CXCL13: variants seen among roughly 807,000 people sequenced by gnomAD.
The protein encoded by CXCL13 is C-X-C motif chemokine 13.
Under a neutral mutation model 12.2 loss-of-function variants are expected in CXCL13, and 7 were observed. That is an observed-to-expected ratio of 0.57 (90% CI 0.33 to 1.07). The LOEUF (loss-of-function observed/expected upper bound fraction) is 1.07, where lower values mean the gene tolerates loss of function less well. Ranked by LOEUF, CXCL13 falls within the 50% of genes least tolerant of loss-of-function variation. The pLI, the probability that CXCL13 is intolerant of heterozygous loss-of-function variation, is 0.04. For synonymous variants in CXCL13, 47 were observed against 42.4 expected (o/e 1.11, Z -0.42); for missense variants, 113 against 127.4 (o/e 0.89, Z 0.55).
At chr4:77,538,952 G>A (rs1435738736) in intron 1 of CXCL13, among the ~76,000 whole-genome samples, 1 of 152,120 alleles carries the variant, frequency 6.6e-6, no homozygotes, top group Non-Finnish European at 1.5e-5. Context: ...GCAAGTTTTA[G>A]AACAAGAGTG....
intron 1 of CXCL13, among the ~76,000 whole-genome samples, chr4:77,575,221 C>T (rs1158961516): frequency 3.9e-5 from 6 of 151,904 alleles, no homozygotes; most frequent in Admixed American, 3.9e-4. Flanking sequence ...TCTGAGTCAT[C>T]ATTTTGGCAA....
chr4:77,542,416 G>T lies in CXCL13; in HGVS notation c.-43+30628G>T, dbSNP rs188711285. Among the ~76,000 whole-genome samples the T allele has an allele frequency of 4.2e-3, 634 of 152,202 alleles. 5 individuals are homozygous for T. The highest frequency in any genetic ancestry group is 5.4e-3 in the Non-Finnish European group (366 of 67,978). On this transcript the variant is annotated intron_variant, in intron 1 of 4. Transcript: ENST00000286758. ...CAAGTTTGTTTAAGGTTTCTACTCTGAAGGGATTTTTGGTCTAATTGAGAG... is the reference window on the plus strand; with the variant it reads ...CAAGTTTGTTTAAGGTTTCTACTCTTAAGGGATTTTTGGTCTAATTGAGAG...
chr4:77,540,355 C>T (rs1474280065), intron 1 of CXCL13, among the ~76,000 whole-genome samples: 3 of 152,112 alleles, frequency 2.0e-5, no homozygotes, highest in Non-Finnish European at 4.4e-5. Context: ...TGATTGATCC[C>T]ATCATGCAGG....
At chr4:77,600,723 T>C (rs79815226) in intron 1 of CXCL13, among the ~76,000 whole-genome samples, 1,529 of 152,290 alleles carry the variant, frequency 0.01, 27 homozygotes, top group African/African-American at 0.035. Context: ...TCACAGAAGG[T>C]ACAAGCCCAG....
intron 1 of CXCL13, among the ~76,000 whole-genome samples, chr4:77,528,707 A>G (rs1220084840): frequency 1.3e-5 from 2 of 152,152 alleles, no homozygotes; most frequent in Non-Finnish European, 2.9e-5. Context: ...GATTGCAAAA[A>G]TGTTCTCCCA....
chr4:77,524,775 A>T (rs1457978814), intron 1 of CXCL13, among the ~76,000 whole-genome samples: 2 of 152,108 alleles, frequency 1.3e-5, no homozygotes, highest in East Asian at 3.9e-4. Flanking sequence ...CTCAGTTGGA[A>T]ATGCAGAAGT....
At chr4:77,515,855 G>A (rs1015009257) in intron 1 of CXCL13, among the ~76,000 whole-genome samples, 3 of 152,236 alleles carry the variant, frequency 2.0e-5, no homozygotes, top group East Asian at 3.8e-4. Flanking sequence ...TTGAATGGGA[G>A]TGGTGAGAGA....
chr4:77,527,165 G>A lies in CXCL13; in HGVS notation c.-43+15377G>A, dbSNP rs369462139. Among the ~76,000 whole-genome samples, 55 of 152,076 alleles carry A rather than the reference G, an allele frequency of 3.6e-4. 1 individual carries two copies. Among genetic ancestry groups the A allele is most frequent in the African/African-American group, 1.1e-3 (44 of 41,486 alleles). ...AGATGCCCAACACCATTAATCATTC[G>A]GAAAGTTCAAAATAAAACCACAAAA... On this transcript the variant is annotated intron_variant, in intron 1 of 4. Transcript: ENST00000286758.
chr4:77,601,705 A>G (rs1414629556), upstream of CXCL13, among the ~76,000 whole-genome samples: 3 of 152,250 alleles, frequency 2.0e-5, no homozygotes, highest in Admixed American at 2.0e-4. Context: ...TGTTTTCACA[A>G]AGGTTAAAAA....
chr4:77,524,508 G>T (rs1724711539), intron 1 of CXCL13, among the ~76,000 whole-genome samples: 1 of 152,108 alleles, frequency 6.6e-6, no homozygotes. Context: ...TTCTCCATGG[G>T]CATGGGACCT....
intron 1 of CXCL13, among the ~76,000 whole-genome samples, chr4:77,529,557 C>T (rs1350055460): frequency 1.3e-5 from 2 of 152,126 alleles, no homozygotes; most frequent in African/African-American, 2.4e-5. Context: ...AATGGGAGTT[C>T]CCTCATGATT....
chr4:77,528,871 G>C (rs1313628003), intron 1 of CXCL13, among the ~76,000 whole-genome samples: 2 of 152,156 alleles, frequency 1.3e-5, no homozygotes, highest in Non-Finnish European at 2.9e-5. Context: ...TGTCCTAAAT[G>C]GTATTGCCTA....
rs1204526094 is a variant in CXCL13 at position 77,527,936 on chromosome 4, C to A, written c.-43+16148C>A. ...TAATGCTATCCCTCCCCTATCCCCC[C>A]ACCCCACAACAGGCCCTGGTGTGTG... On this transcript the variant is annotated intron_variant, in intron 1 of 4. Coordinates refer to the CXCL13 transcript ENST00000286758. Among the ~76,000 whole-genome samples the A allele has an allele frequency of 3.3e-5, 5 of 152,052 alleles. 1 individual carries two copies. The East Asian group carries it at 7.7e-4, about 23-fold the overall frequency.
At chr4:77,553,871 T>C (rs1725593196) in intron 1 of CXCL13, among the ~76,000 whole-genome samples, 1 of 152,184 alleles carries the variant, frequency 6.6e-6, no homozygotes, top group Non-Finnish European at 1.5e-5. Flanking sequence ...AATTGAAATA[T>C]CTAGTGTACA....
intron 1 of CXCL13, among the ~76,000 whole-genome samples, chr4:77,523,625 G>T (rs576394751): frequency 6.6e-6 from 1 of 152,136 alleles, no homozygotes; most frequent in South Asian, 2.1e-4. Context: ...CTTTTTTCAC[G>T]GTTTTCAGCT....
chr4:77,610,763 C>A, intron 3 of CXCL13, 69 bp downstream of exon 3: 2 of 1,185,388 alleles, frequency 1.7e-6, no homozygotes, highest in South Asian at 1.2e-5. Flanking sequence ...CCTGGGCAGT[C>A]AAAATAGGGA....
At chr4:77,528,048 C>A (rs531956701) in intron 1 of CXCL13, among the ~76,000 whole-genome samples, 60 of 152,086 alleles carry the variant, frequency 3.9e-4, no homozygotes, top group African/African-American at 6.7e-4. Flanking sequence ...TTTGTCCTTG[C>A]GATAGTTTGC....
intron 1 of CXCL13, among the ~76,000 whole-genome samples, chr4:77,571,748 T>A (rs1726086501): frequency 6.6e-6 from 1 of 151,742 alleles, no homozygotes; most frequent in Non-Finnish European, 1.5e-5. Context: ...CCCGCTCCAG[T>A]CCCCTTCCAC....
At chr4:77,548,609 T>G (rs1725433767) in intron 1 of CXCL13, among the ~76,000 whole-genome samples, 1 of 152,194 alleles carries the variant, frequency 6.6e-6, no homozygotes, top group South Asian at 2.1e-4. Flanking sequence ...CTAACCGAAT[T>G]CCTCGGCTGG....
Sources: allele counts gnomAD v4.1 joint callset (sites outside exome capture counted in the v4.1 genomes callset), GRCh38; gene constraint gnomAD v4.1.1; transcripts MANE v1.5; gene names NCBI Gene and HGNC (gene_info 2026-07-23, HGNC 2026-07-21).